Variants in AGBL1 observed in about 807,000 individuals in gnomAD.
The protein encoded by AGBL1 is AGBL carboxypeptidase 1.
Under a neutral mutation model 118.9 loss-of-function variants are expected in AGBL1, and 130 were observed. That is an observed-to-expected ratio of 1.09 (90% CI 0.95 to 1.26). AGBL1 has a LOEUF of 1.26. Among genes scored for constraint, AGBL1 ranks in the 50% most tolerant of loss-of-function variants. The probability of loss-of-function intolerance (pLI) is 0.00; values close to 1 mark genes in which losing one functional copy is unlikely to be tolerated. For synonymous variants in AGBL1, 555 were observed against 478.9 expected (o/e 1.16, Z -2.08); for missense variants, 1,584 against 1,298.1 (o/e 1.22, Z -3.38).
chr15:86,392,229 C>T (rs530929744), intron 17 of AGBL1, among the ~76,000 whole-genome samples: 1 of 151,956 alleles, frequency 6.6e-6, no homozygotes, highest in Non-Finnish European at 1.5e-5. Flanking sequence ...ACTGTTATAT[C>T]ACAGGTACCT....
chr15:86,390,672 T>TTG (rs2081264810), intron 17 of AGBL1, among the ~76,000 whole-genome samples: 1 of 141,696 alleles, frequency 7.1e-6, no homozygotes, highest in Non-Finnish European at 1.5e-5. Context: ...TTTTTTTTTT[T>TTG]TTTTTTTTTT....
In AGBL1 at chr15:86,369,582, A is replaced by G. The variant is rs116290409; in HGVS notation, c.2375-27784A>G. On this transcript the variant is annotated intron_variant, in intron 17 of 22. Coordinates refer to ENST00000614907, the MANE Select transcript of AGBL1 (RefSeq NM_001386094.1). ...TGTGTGTATGTAACCAGTAATACCA[A>G]TAAAAATAATTGGGTTAAAGTAAAT... is the stretch of plus-strand genomic sequence containing the variant. 6.6e-4 allele frequency among the ~76,000 whole-genome samples: 100 copies of G among 152,308 alleles called. 1 individual carries two copies. Among genetic ancestry groups the G allele is most frequent in the African/African-American group, 2.2e-3 (92 of 41,584 alleles).
intron 21 of AGBL1, among the ~76,000 whole-genome samples, chr15:86,577,092 G>A (rs981607743): frequency 1.3e-5 from 2 of 152,206 alleles, no homozygotes; most frequent in South Asian, 2.1e-4. Context: ...GGAGGGTTCA[G>A]AAGAAGACAG....
chr15:86,691,809 A>G (rs754788037), intron 22 of AGBL1, among the ~76,000 whole-genome samples: 1 of 152,154 alleles, frequency 6.6e-6, no homozygotes, highest in Non-Finnish European at 1.5e-5. Context: ...TACATTAACT[A>G]TGATCCAACT....
chr15:86,192,207 TAATTTATA>T (rs1235865008), intron 5 of AGBL1, among the ~76,000 whole-genome samples: 1 of 150,876 alleles, frequency 6.6e-6, no homozygotes, highest in Non-Finnish European at 1.5e-5. Flanking sequence ...TGTACATTTA[TAATTTATA>T]AATTTATAAT....
chr15:87,017,648 C>G (rs2081621018), intron 24 of AGBL1, among the ~76,000 whole-genome samples: 2 of 152,136 alleles, frequency 1.3e-5, no homozygotes, highest in Admixed American at 6.5e-5. Context: ...CCAGGGTCAG[C>G]AGCCTCAAAG....
rs34530266 is a variant in AGBL1, at chr15:86,739,443, CAAAAA to C, written c.3158+65025_3158+65029del. Among the ~76,000 whole-genome samples the C allele has an allele frequency of 6.9e-4, 46 of 66,616 alleles. 1 individual carries two copies. In the East Asian group the frequency reaches 0.014, roughly 20 times the overall value. The allele number at this position is 66,616 out of a possible 152,430, so 43.7% of individuals were successfully genotyped here. On this transcript the variant is annotated intron_variant, in intron 22 of 22. Coordinates refer to ENST00000614907, the MANE Select transcript of AGBL1 (RefSeq NM_001386094.1). ...GGGCAACAAGAGCGAAACTCCATCT[CAAAAA>C]AAAAAAAAAAAAAAAAAGTAAAAGA...
intron 21 of AGBL1, among the ~76,000 whole-genome samples, chr15:86,593,641 C>G (rs936344471): frequency 1.3e-5 from 2 of 152,168 alleles, no homozygotes; most frequent in Non-Finnish European, 2.9e-5. Context: ...AATTCACCCA[C>G]TTTACATGTA....
chr15:86,417,028 C>T (rs2081705267), intron 18 of AGBL1, among the ~76,000 whole-genome samples: 1 of 152,158 alleles, frequency 6.6e-6, no homozygotes, highest in African/African-American at 2.4e-5. Context: ...GATCATACAA[C>T]CATGGAATCT....
intron 1 of AGBL1, among the ~76,000 whole-genome samples, chr15:86,123,746 T>C (rs1209352924): frequency 1.3e-5 from 2 of 152,226 alleles, no homozygotes; most frequent in African/African-American, 2.4e-5. Flanking sequence ...CTAAAGGGTA[T>C]AAAACCAAGC....
At chr15:86,212,153 T>C (rs1011176888) in intron 5 of AGBL1, among the ~76,000 whole-genome samples, 2 of 152,246 alleles carry the variant, frequency 1.3e-5, no homozygotes, top group Admixed American at 6.5e-5. Context: ...ATTAGTTTAT[T>C]TACTCACCAA....
chr15:86,282,786 T>C (rs148355230), intron 16 of AGBL1, among the ~76,000 whole-genome samples: 1 of 152,336 alleles, frequency 6.6e-6, no homozygotes, highest in Non-Finnish European at 1.5e-5. Context: ...GAGAATTAAC[T>C]GTATGTTACT....
At chr15:86,583,802 C>A (rs1276442761) in intron 21 of AGBL1, among the ~76,000 whole-genome samples, 5 of 152,138 alleles carry the variant, frequency 3.3e-5, no homozygotes, top group Non-Finnish European at 7.4e-5. Flanking sequence ...TTTACATTCC[C>A]ACCAACAGTG....
intron 23 of AGBL1, among the ~76,000 whole-genome samples, chr15:86,967,565 C>T (rs2081067343): frequency 6.6e-6 from 1 of 152,106 alleles, no homozygotes; most frequent in African/African-American, 2.4e-5. Context: ...TTTCCCAGCA[C>T]CATTTATTAA....
At chr15:86,510,285 G>T (rs1282129600) in intron 18 of AGBL1, among the ~76,000 whole-genome samples, 1 of 152,122 alleles carries the variant, frequency 6.6e-6, no homozygotes, top group Non-Finnish European at 1.5e-5. Flanking sequence ...TAGCAGGAAA[G>T]AGAAGAGTTG....
At chr15:86,379,644 A>G (rs902714707) in intron 17 of AGBL1, among the ~76,000 whole-genome samples, 5 of 152,320 alleles carry the variant, frequency 3.3e-5, no homozygotes, top group Admixed American at 3.3e-4. Context: ...GATAGGGACT[A>G]TTGTTTTCCC....
chr15:86,255,767 G>A (rs547222492), intron 7 of AGBL1, among the ~76,000 whole-genome samples: 1 of 151,594 alleles, frequency 6.6e-6, no homozygotes, highest in South Asian at 2.1e-4. Context: ...GGGTGACAGA[G>A]TGAGACTGTC....
intron 21 of AGBL1, among the ~76,000 whole-genome samples, chr15:86,627,004 A>ATTTATT (rs1555431626): frequency 2.9e-5 from 4 of 140,312 alleles, no homozygotes; most frequent in African/African-American, 1.1e-4. Context: ...CGACCAGCTA[A>ATTTATT]TTTTTTTTTT....
At chr15:87,014,403 T>C (rs961370906) in intron 24 of AGBL1, among the ~76,000 whole-genome samples, 36 of 152,352 alleles carry the variant, frequency 2.4e-4, no homozygotes, top group African/African-American at 8.2e-4. Context: ...TTATCTGCTA[T>C]ATCTGTGTAA....
Sources: gnomAD v4.1 joint callset for allele counts (sites outside exome capture counted in the v4.1 genomes callset) on GRCh38, gnomAD v4.1.1 for gene constraint, MANE v1.5 for transcripts, NCBI Gene and HGNC (gene_info 2026-07-23, HGNC 2026-07-21) for gene names.